The following KLHDC8A variants were observed in gnomAD, a reference collection of about 807,000 sequenced individuals.
KLHDC8A encodes kelch domain-containing protein 8A.
A neutral mutation model predicts 33.1 loss-of-function variants in KLHDC8A; 21 were observed. The observed-to-expected ratio is 0.64, with a 90% CI of 0.45 to 0.91. The LOEUF is 0.91. KLHDC8A is among the 40% of genes least tolerant of loss of function. The probability of loss-of-function intolerance (pLI) is 0.00; values close to 1 mark genes in which losing one functional copy is unlikely to be tolerated. For missense variants in KLHDC8A, 435 were observed against 483.3 expected, an observed-to-expected ratio of 0.90 and a Z score of 0.94; for synonymous variants, 173 against 193.5, an observed-to-expected ratio of 0.89 and a Z score of 0.88.
Position 205,339,662 on chromosome 1 carries a change from A to C in KLHDC8A, c.523T>G (p.Ser175Ala), listed in dbSNP as rs1248441180. 7 of 1,614,008 alleles carry C rather than the reference A, an allele frequency of 4.3e-6. No homozygotes were observed. The highest frequency in any genetic ancestry group is 1.7e-5 in the Admixed American group (1 of 60,010). Residue 175 changes from serine (S) to alanine (A), a missense_variant, in exon 3 of 6, where the codon TCC becomes GCC. Physicochemically the swap from Ser to Ala is moderately conservative, Grantham distance 99. Transcript: ENST00000367155. This position sits in a 1 kb window ranked among gnomAD's most constrained non-coding sequence, Gnocchi z 5.1. ...RYAATSFLRG[S>A]KIYVLGGRQS... ...TCCTTACCCAGCACGTAGATCTTGGAGCCTCGGAGGAAGGAGGTGGCAGCA... is the reference window on the plus strand; with the variant it reads ...TCCTTACCCAGCACGTAGATCTTGGCGCCTCGGAGGAAGGAGGTGGCAGCA...
chr1:205,352,091 C>T (rs1176781643), intron 1 of KLHDC8A, among the ~76,000 whole-genome samples: 1 of 152,114 alleles, frequency 6.6e-6, no homozygotes, highest in Non-Finnish European at 1.5e-5. Flanking sequence ...GCTGGCATGA[C>T]ACTCAGCCCG....
Position 205,336,489 on chromosome 1 carries a change from C to T in KLHDC8A, c.*910G>A, listed in dbSNP as rs1662635213. ...CCTGCCCCTCAAGACACCCTTCCGC[C>T]CCATCCCCACACCAGGGTGCTAGAG... On this transcript the variant is annotated 3_prime_UTR_variant, in exon 6 of 6. Coordinates refer to ENST00000367155, the MANE Select transcript of KLHDC8A (RefSeq NM_018203.3). The T allele has an allele frequency of 6.6e-6, 1 of 152,600 alleles. No individual in the cohort carries two copies. 9.5% of individuals were successfully genotyped at this position (152,600 alleles called of 1,614,324 possible). A position where few individuals can be genotyped will look rare whatever the true frequency, so the allele number is the denominator to read the frequency against.
Position 205,353,241 on chromosome 1 carries a change from GA to G in KLHDC8A, c.-190+3291del, listed in dbSNP as rs374420736. Among the ~76,000 whole-genome samples, 400 of 151,832 alleles carry G rather than the reference GA, an allele frequency of 2.6e-3. 18 individuals are homozygous for G. The South Asian group carries it at 0.064, about 24-fold the overall frequency. On this transcript the variant is annotated intron_variant, in intron 1 of 5. Coordinates refer to ENST00000367155, the MANE Select transcript of KLHDC8A (RefSeq NM_018203.3). ...ATTTTTACATTTTTAAATGATTGGG[GA>G]AAAAAAATCAAAAGAAAAATATTTT...
At chr1:205,356,009 T>G (rs1663257299) in intron 1 of KLHDC8A, among the ~76,000 whole-genome samples, 1 of 152,170 alleles carries the variant, frequency 6.6e-6, no homozygotes, top group South Asian at 2.1e-4. Flanking sequence ...TGCTGTGGTT[T>G]GGGTTTCTAT....
chr1:205,351,144 G>C, intron 1 of KLHDC8A: 1 of 680,342 alleles, frequency 1.5e-6, no homozygotes, highest in Non-Finnish European at 2.7e-6. Context: ...TTTCCACATA[G>C]AGATTCCTCA....
At chr1:205,342,442 G>T (rs552662068) in intron 2 of KLHDC8A, among the ~76,000 whole-genome samples, 1 of 152,306 alleles carries the variant, frequency 6.6e-6, no homozygotes, top group East Asian at 1.9e-4. Flanking sequence ...CTGAAGGCAG[G>T]GAACAGATCT....
intron 1 of KLHDC8A, chr1:205,348,240 T>G (rs1663000311): frequency 6.6e-6 from 1 of 152,226 alleles, no homozygotes. Flanking sequence ...TGGCAGGCCA[T>G]GGATGGAGTA....
intron 1 of KLHDC8A, among the ~76,000 whole-genome samples, chr1:205,354,438 T>G (rs1215670456): frequency 6.6e-6 from 1 of 152,238 alleles, no homozygotes; most frequent in Non-Finnish European, 1.5e-5. Flanking sequence ...AATATTGAGC[T>G]GTTTATTGCA....
At chr1:205,341,795 C>T (rs1021244690) in intron 2 of KLHDC8A, among the ~76,000 whole-genome samples, 10 of 152,066 alleles carry the variant, frequency 6.6e-5, no homozygotes, top group Admixed American at 2.0e-4. Context: ...GGACTACAGG[C>T]GCCCGCCACT....
intron 1 of KLHDC8A, among the ~76,000 whole-genome samples, chr1:205,350,162 C>G (rs1225377386): frequency 1.3e-5 from 2 of 152,240 alleles, no homozygotes; most frequent in African/African-American, 4.8e-5. Context: ...GTCCAGTCAC[C>G]AGTGAAGACT....
intron 1 of KLHDC8A, among the ~76,000 whole-genome samples, chr1:205,345,634 G>C (rs528638878): frequency 6.6e-6 from 1 of 151,982 alleles, no homozygotes; most frequent in African/African-American, 2.4e-5. Context: ...CCAAATACTC[G>C]GGAGGCTGAG....
chr1:205,352,376 T>C (rs943029656), intron 1 of KLHDC8A, among the ~76,000 whole-genome samples: 5 of 150,484 alleles, frequency 3.3e-5, no homozygotes, highest in African/African-American at 9.7e-5. Flanking sequence ...CACTTTACAT[T>C]ACACACACAC....
chr1:205,341,152 A>G (rs1662778701), intron 2 of KLHDC8A, among the ~76,000 whole-genome samples: 1 of 152,070 alleles, frequency 6.6e-6, no homozygotes, highest in Non-Finnish European at 1.5e-5. Context: ...AAAGGACTTC[A>G]CTACACCAGA....
chr1:205,351,606 A>T, intron 1 of KLHDC8A: 6 of 253,232 alleles, frequency 2.4e-5, no homozygotes, highest in South Asian at 6.1e-5. Context: ...AATAGTCAAA[A>T]AAAAAAAAAA....
At position 205,337,085 on chromosome 1, in the gene KLHDC8A, G is replaced by C. The variant is rs574105538; in HGVS notation, c.*314C>G. On this transcript the variant is annotated 3_prime_UTR_variant, in exon 6 of 6. Transcript: ENST00000367155. ...CTACCTGCCTCCTGGAGATGGGGGT[G>C]GGGGGAGGTGGGACTCACAGGAGGG... The C allele has an allele frequency of 2.6e-5, 9 of 348,902 alleles. No individual in the cohort carries two copies. The highest frequency in any genetic ancestry group is 4.5e-5 in the Admixed American group (1 of 22,196). 21.6% of individuals were successfully genotyped at this position (348,902 alleles called of 1,614,324 possible). A position where few individuals can be genotyped will look rare whatever the true frequency, so the allele number is the denominator to read the frequency against.
chr1:205,339,541 T>C lies in KLHDC8A; in HGVS notation c.541+103A>G. On this transcript the variant is annotated intron_variant, in intron 3 of 5. Coordinates refer to ENST00000367155, the MANE Select transcript of KLHDC8A (RefSeq NM_018203.3). This position sits in a 1 kb window ranked among gnomAD's most constrained non-coding sequence, Gnocchi z 5.1. ...CCCGGTGGGCTGGGCAGTGTGATTA[T>C]CCCCAGTGCCGAGGAGATGCTCAGC... 2 of 1,444,306 alleles carry C rather than the reference T, an allele frequency of 1.4e-6. No individual in the cohort carries two copies. The highest frequency in any genetic ancestry group is 1.2e-5 in the South Asian group (1 of 80,110). 89.5% of individuals were successfully genotyped at this position (1,444,306 alleles called of 1,614,324 possible). A position where few individuals can be genotyped will look rare whatever the true frequency, so the allele number is the denominator to read the frequency against.
chr1:205,355,914 T>C lies in KLHDC8A; in HGVS notation c.-190+619A>G, dbSNP rs1254889405. Among the ~76,000 whole-genome samples, 7 of 152,206 alleles carry C rather than the reference T, an allele frequency of 4.6e-5. No individual in the cohort carries two copies. The East Asian group carries it at 7.7e-4, about 17-fold the overall frequency. ...CCAAGCACAGCAATGTGTATGTACATAGTAGGTAGTCCATAAGTTTTAAAA... is the reference window on the plus strand; with the variant it reads ...CCAAGCACAGCAATGTGTATGTACACAGTAGGTAGTCCATAAGTTTTAAAA... On this transcript the variant is annotated intron_variant, in intron 1 of 5. Transcript: ENST00000367155.
At chr1:205,348,548 T>C (rs7517617) in intron 1 of KLHDC8A, 109,012 of 152,186 alleles carry the variant, frequency 0.72, 40,126 homozygotes, top group South Asian at 0.83. Context: ...AGCTGTGTGA[T>C]TATGCACCAG....
chr1:205,341,347 C>T (rs1054976125), intron 2 of KLHDC8A, among the ~76,000 whole-genome samples: 2 of 77,794 alleles, frequency 2.6e-5, no homozygotes, highest in African/African-American at 8.2e-5. Context: ...CTCCTACTTT[C>T]CAATCTTATT....
Sources: allele counts gnomAD v4.1 joint callset (sites outside exome capture counted in the v4.1 genomes callset), GRCh38; gene constraint gnomAD v4.1.1; non-coding constraint Gnocchi (gnomAD v3.1); transcripts MANE v1.5; gene names NCBI Gene and HGNC (gene_info 2026-07-23, HGNC 2026-07-21).